SORCS2: variants seen among roughly 807,000 people sequenced by gnomAD.
The protein encoded by SORCS2 is VPS10 domain-containing receptor SorCS2.
SORCS2 carries 100 observed loss-of-function variants against 141.6 expected under a neutral mutation model. The ratio of observed to expected loss-of-function variants is 0.71; its 90% CI spans 0.60 to 0.83. SORCS2 has a LOEUF of 0.83. Ranked by LOEUF, SORCS2 falls within the 40% of genes least tolerant of loss-of-function variation. The pLI, the probability that SORCS2 is intolerant of heterozygous loss-of-function variation, is 0.00. For synonymous variants in SORCS2, 789 were observed against 676.9 expected, an observed-to-expected ratio of 1.17 and a Z score of -2.57; for missense variants, 1,646 against 1,560.2, an observed-to-expected ratio of 1.05 and a Z score of -0.93.
chr4:7,252,449 C>A (rs1713571409), intron 1 of SORCS2, among the ~76,000 whole-genome samples: 1 of 152,206 alleles, frequency 6.6e-6, no homozygotes, highest in African/African-American at 2.4e-5. Context: ...GTGCTTCTCA[C>A]CCCCTTCTCT....
chr4:7,533,193 G>A (rs760288069), intron 3 of SORCS2, among the ~76,000 whole-genome samples: 10 of 152,196 alleles, frequency 6.6e-5, no homozygotes, highest in South Asian at 2.1e-4. Context: ...CAGCTTCACC[G>A]AGCCCAAAGC....
intron 2 of SORCS2, among the ~76,000 whole-genome samples, chr4:7,480,013 G>A (rs1730534366): frequency 6.6e-6 from 1 of 152,252 alleles, no homozygotes; most frequent in African/African-American, 2.4e-5. Flanking sequence ...GTCTGCTTAG[G>A]CACCTGCCAG....
At chr4:7,612,593 C>T (rs1419864735) in intron 3 of SORCS2, among the ~76,000 whole-genome samples, 2 of 152,180 alleles carry the variant, frequency 1.3e-5, no homozygotes, top group African/African-American at 4.8e-5. Flanking sequence ...CCCTGCTCCC[C>T]TGGGCCCCAC....
intron 3 of SORCS2, among the ~76,000 whole-genome samples, chr4:7,583,902 G>T (rs534267243): frequency 6.6e-6 from 1 of 152,234 alleles, no homozygotes; most frequent in Non-Finnish European, 1.5e-5. Flanking sequence ...CTTAGGTCTG[G>T]GGTCAGGAAG....
intron 1 of SORCS2, among the ~76,000 whole-genome samples, chr4:7,195,504 C>A (rs1270342417): frequency 6.6e-6 from 1 of 152,162 alleles, no homozygotes; most frequent in Non-Finnish European, 1.5e-5. Context: ...CTGGACTGGG[C>A]AGTCAGGGAA....
chr4:7,671,321 G>A (rs922176567), intron 8 of SORCS2, among the ~76,000 whole-genome samples: 1 of 150,874 alleles, frequency 6.6e-6, no homozygotes, highest in African/African-American at 2.5e-5. Context: ...CAAAGAAACA[G>A]GAAAGTATGA....
At chr4:7,516,875 G>C (rs1733017765) in intron 2 of SORCS2, among the ~76,000 whole-genome samples, 1 of 152,238 alleles carries the variant, frequency 6.6e-6, no homozygotes, top group Non-Finnish European at 1.5e-5. Context: ...TACTGCTGAG[G>C]AGTTGGGGCC....
intron 4 of SORCS2, among the ~76,000 whole-genome samples, chr4:7,639,705 ATG>A (rs1316404113): frequency 1.5e-5 from 2 of 134,990 alleles, no homozygotes; most frequent in East Asian, 2.3e-4. Context: ...CTGTGTGTGA[ATG>A]TGTGTTCACC....
intron 2 of SORCS2, among the ~76,000 whole-genome samples, chr4:7,467,404 G>A (rs1246222478): frequency 6.6e-6 from 1 of 152,198 alleles, no homozygotes; most frequent in African/African-American, 2.4e-5. Context: ...TGGCCTCTGG[G>A]TTGGGTGATC....
At chr4:7,509,558 G>T (rs746491005) in intron 2 of SORCS2, among the ~76,000 whole-genome samples, 1 of 152,206 alleles carries the variant, frequency 6.6e-6, no homozygotes, top group Non-Finnish European at 1.5e-5. Flanking sequence ...TGCGGTCGAC[G>T]CTGGGGCCTC....
At chr4:7,372,838 C>A (rs1436065851) in intron 1 of SORCS2, among the ~76,000 whole-genome samples, 1 of 152,092 alleles carries the variant, frequency 6.6e-6, no homozygotes, top group Non-Finnish European at 1.5e-5. Flanking sequence ...CCTTCCGGGC[C>A]TGGCTGCTTT....
chr4:7,354,600 T>C (rs1460578117), intron 1 of SORCS2, among the ~76,000 whole-genome samples: 1 of 152,242 alleles, frequency 6.6e-6, no homozygotes, highest in Non-Finnish European at 1.5e-5. Context: ...ATGTCACCTC[T>C]GCAAAAGCAC....
At chr4:7,602,278 G>A (rs1332739516) in intron 3 of SORCS2, among the ~76,000 whole-genome samples, 2 of 151,884 alleles carry the variant, frequency 1.3e-5, no homozygotes, top group South Asian at 4.2e-4. Flanking sequence ...CCTCCCGGAC[G>A]GGGTGGCTGG....
chr4:7,621,157 C>A (rs1257710973), intron 3 of SORCS2, among the ~76,000 whole-genome samples: 2 of 152,186 alleles, frequency 1.3e-5, no homozygotes, highest in Non-Finnish European at 2.9e-5. Flanking sequence ...TGTGACCAGG[C>A]CCAGCGGAGA....
At chr4:7,306,693 G>A (rs890485921) in intron 1 of SORCS2, among the ~76,000 whole-genome samples, 1 of 152,324 alleles carries the variant, frequency 6.6e-6, no homozygotes, top group Non-Finnish European at 1.5e-5. Flanking sequence ...GTGCTCTCCA[G>A]TTGCTGTCCA....
At chr4:7,651,513 C>A (rs1394796260) in intron 4 of SORCS2, among the ~76,000 whole-genome samples, 1 of 152,202 alleles carries the variant, frequency 6.6e-6, no homozygotes, top group Non-Finnish European at 1.5e-5. Flanking sequence ...AGAGGCTTTT[C>A]CCAGTTGCTG....
chr4:7,639,869 G>T (rs116183828), intron 4 of SORCS2, among the ~76,000 whole-genome samples: 1 of 151,770 alleles, frequency 6.6e-6, no homozygotes, highest in Non-Finnish European at 1.5e-5. Context: ...GTGTGATTGC[G>T]TGTATGAGTG....
intron 3 of SORCS2, among the ~76,000 whole-genome samples, chr4:7,636,045 C>T (rs145709920): frequency 3.9e-5 from 6 of 152,356 alleles, no homozygotes; most frequent in African/African-American, 9.6e-5. Flanking sequence ...AGCAAGGCCA[C>T]CATAGTCGCC....
chr4:7,604,057 T>C (rs762536986), intron 3 of SORCS2, among the ~76,000 whole-genome samples: 46 of 152,128 alleles, frequency 3.0e-4, no homozygotes, highest in Non-Finnish European at 3.5e-4. Context: ...GTGACTGCTG[T>C]GTGTGTGTCG....
Sources: allele counts gnomAD v4.1 joint callset (sites outside exome capture counted in the v4.1 genomes callset), GRCh38; gene constraint gnomAD v4.1.1; transcripts MANE v1.5; gene names NCBI Gene and HGNC (gene_info 2026-07-23, HGNC 2026-07-21).